The following MICU2 variants were observed in gnomAD, a reference collection of about 807,000 sequenced individuals.
MICU2 encodes the protein mitochondrial calcium uptake 2.
In MICU2, 64 loss-of-function variants were observed where a neutral mutation model predicts 60.4. The observed-to-expected ratio is 1.06, with a 90% CI of 0.87 to 1.31. The LOEUF (loss-of-function observed/expected upper bound fraction) is 1.31, where lower values mean the gene tolerates loss of function less well. MICU2 is among the 50% of genes most tolerant of loss of function. MICU2 has a pLI of 0.00. For missense variants in MICU2, 569 were observed against 531.0 expected, an observed-to-expected ratio of 1.07 and a Z score of -0.70; for synonymous variants, 201 against 175.0, an observed-to-expected ratio of 1.15 and a Z score of -1.17.
Position 21,495,037 on chromosome 13 carries a change from A to C in MICU2, c.1200+124T>G, listed in dbSNP as rs991250528. ...TAAAATATATTTCTGTATTTCAATT[A>C]CAGCTTATAGTCTTTTTATAAGTGA... On this transcript the variant is annotated intron_variant, in intron 11 of 11. Coordinates refer to ENST00000382374, the MANE Select transcript of MICU2 (RefSeq NM_152726.3). The C allele has an allele frequency of 2.5e-5, 15 of 608,586 alleles. No individual in the cohort carries two copies. The African/African-American group carries it at 2.6e-4, about 11-fold the overall frequency. 37.7% of individuals were successfully genotyped at this position (608,586 alleles called of 1,614,324 possible). A position where few individuals can be genotyped will look rare whatever the true frequency, so the allele number is the denominator to read the frequency against.
At chr13:21,530,857 G>T in intron 4 of MICU2, 2 of 737,978 alleles carry the variant, frequency 2.7e-6, no homozygotes, top group Non-Finnish European at 4.9e-6. Flanking sequence ...TCTGAGCCTG[G>T]ACTCACCCTC....
chr13:21,576,206 A>G (rs1340606293), intron 1 of MICU2, among the ~76,000 whole-genome samples: 5 of 152,238 alleles, frequency 3.3e-5, no homozygotes, highest in East Asian at 1.9e-4. Context: ...TCAGTGTTAT[A>G]TAATTAAATT....
intron 2 of MICU2, among the ~76,000 whole-genome samples, chr13:21,562,273 T>G (rs1044456552): frequency 1.3e-5 from 2 of 152,140 alleles, no homozygotes; most frequent in African/African-American, 4.8e-5. Context: ...TCTAGATCTC[T>G]GAGGAGTCGC....
At chr13:21,510,837 T>G (rs1002623952) in intron 7 of MICU2, among the ~76,000 whole-genome samples, 25 of 146,752 alleles carry the variant, frequency 1.7e-4, no homozygotes, top group African/African-American at 6.9e-4. Context: ...ATTCATTCAT[T>G]AATTCATTTA....
At chr13:21,581,095 T>A (rs1178590558) in intron 1 of MICU2, among the ~76,000 whole-genome samples, 1 of 152,126 alleles carries the variant, frequency 6.6e-6, no homozygotes, top group African/African-American at 2.4e-5. Flanking sequence ...AAGTGGAAAA[T>A]AAGTTTAGAT....
chr13:21,573,613 C>A (rs1350677652), intron 1 of MICU2, among the ~76,000 whole-genome samples: 1 of 151,980 alleles, frequency 6.6e-6, no homozygotes, highest in Non-Finnish European at 1.5e-5. Flanking sequence ...ATGAACAATC[C>A]TAGAGGACCT....
intron 2 of MICU2, among the ~76,000 whole-genome samples, chr13:21,551,810 G>A (rs936489815): frequency 6.6e-6 from 1 of 151,844 alleles, no homozygotes; most frequent in Non-Finnish European, 1.5e-5. Flanking sequence ...GTGTATATGT[G>A]CCACATTTTC....
intron 1 of MICU2, among the ~76,000 whole-genome samples, chr13:21,576,037 A>T (rs1274513900): frequency 6.6e-6 from 1 of 152,208 alleles, no homozygotes; most frequent in East Asian, 1.9e-4. Context: ...GCATAATAGA[A>T]GGTGATGTTA....
At chr13:21,535,449 A>G (rs191044218) in intron 4 of MICU2, among the ~76,000 whole-genome samples, 5 of 152,334 alleles carry the variant, frequency 3.3e-5, no homozygotes, top group African/African-American at 1.2e-4. Context: ...ATATTATGGA[A>G]AGGTACCTCA....
intron 2 of MICU2, among the ~76,000 whole-genome samples, chr13:21,550,530 G>A (rs900814742): frequency 3.9e-5 from 6 of 152,134 alleles, no homozygotes; most frequent in South Asian, 4.1e-4. Context: ...AGAGTAAGAC[G>A]CTATCTCTTA....
At chr13:21,567,869 G>A (rs1455280200) in intron 1 of MICU2, among the ~76,000 whole-genome samples, 2 of 152,092 alleles carry the variant, frequency 1.3e-5, no homozygotes, top group Non-Finnish European at 2.9e-5. Flanking sequence ...TGACTCAAAG[G>A]GTTTTAATCT....
chr13:21,570,294 T>C (rs571581656), intron 1 of MICU2, among the ~76,000 whole-genome samples: 1 of 146,764 alleles, frequency 6.8e-6, no homozygotes, highest in South Asian at 2.1e-4. Context: ...TATTATACGG[T>C]AGTAGAATTT....
intron 2 of MICU2, among the ~76,000 whole-genome samples, chr13:21,561,014 A>G (rs1030444955): frequency 1.3e-5 from 2 of 152,192 alleles, no homozygotes; most frequent in Admixed American, 1.3e-4. Flanking sequence ...ATTGGTTGAA[A>G]ATATTTTAAA....
intron 1 of MICU2, among the ~76,000 whole-genome samples, chr13:21,573,295 ACGGAGTCT>A (rs1888154391): frequency 6.7e-6 from 1 of 150,074 alleles, no homozygotes; most frequent in Non-Finnish European, 1.5e-5. Flanking sequence ...TTTTTTTGAG[ACGGAGTCT>A]CACTCTGTCA....
At chr13:21,512,916 C>T (rs1446534396) in intron 7 of MICU2, among the ~76,000 whole-genome samples, 1 of 152,058 alleles carries the variant, frequency 6.6e-6, no homozygotes, top group Admixed American at 6.5e-5. Flanking sequence ...AGGAGTCCGA[C>T]TTTATTCTTT....
Position 21,604,125 on chromosome 13 carries a change from G to GCAGC in MICU2, c.20_23dup (p.Cys8TrpfsTer68). ...TTCCGCCCCAGGCCGCCACCCGCGC[G>GCAGC]CAGCTACCCGCAGCCGCCGCCATCT... On this transcript the variant is annotated frameshift_variant, in exon 1 of 12. Transcript: ENST00000382374. LOFTEE classifies it high-confidence loss of function. The GCAGC allele has an allele frequency of 6.4e-7, 1 of 1,565,434 alleles. No individual in the cohort carries two copies.
At position 21,604,100 on chromosome 13, in the gene MICU2, T is replaced by C; in HGVS notation, c.49A>G (p.Lys17Glu). 1 of 1,590,144 alleles carries C rather than the reference T, an allele frequency of 6.3e-7. No individual in the cohort carries two copies. The highest frequency in any genetic ancestry group is 8.5e-7 in the Non-Finnish European group (1 of 1,170,138). ...CTGACAGCGAGCCCCCGTCGCAGTT[T>C]TCCGCCCCAGGCCGCCACCCGCGCG... ...SCARVAAWGG[K>E]LRRGLAVSRQ... Residue 17 changes from lysine to glutamate, a missense_variant, in exon 1 of 12, where the codon AAA becomes GAA. By Grantham distance (56) the Lys-to-Glu change is moderately conservative (BLOSUM62 1). Coordinates refer to ENST00000382374, the MANE Select transcript of MICU2 (RefSeq NM_152726.3).
intron 1 of MICU2, among the ~76,000 whole-genome samples, chr13:21,571,773 G>T (rs1046931230): frequency 1.3e-5 from 2 of 152,216 alleles, no homozygotes; most frequent in African/African-American, 2.4e-5. Flanking sequence ...GCAGGAGTTT[G>T]CCAAGACAGG....
chr13:21,575,754 A>C (rs957331310), intron 1 of MICU2, among the ~76,000 whole-genome samples: 1 of 151,174 alleles, frequency 6.6e-6, no homozygotes, highest in African/African-American at 2.4e-5. Flanking sequence ...AAAAAAAAAA[A>C]AAGGCTAGAG....
Sources: gnomAD v4.1 joint callset for allele counts (sites outside exome capture counted in the v4.1 genomes callset) on GRCh38, gnomAD v4.1.1 for gene constraint, MANE v1.5 for transcripts, NCBI Gene and HGNC (gene_info 2026-07-23, HGNC 2026-07-21) for gene names.